The following FBXO16 variants were observed in gnomAD, a reference collection of about 807,000 sequenced individuals.
The protein encoded by FBXO16 is F-box only protein 16.
Under a neutral mutation model 41.0 loss-of-function variants are expected in FBXO16, and 31 were observed. That is an observed-to-expected ratio of 0.76 (90% CI 0.57 to 1.02). The LOEUF is 1.02. FBXO16 is among the 50% of genes least tolerant of loss of function. FBXO16 has a pLI of 0.00. For synonymous variants in FBXO16, 133 were observed against 117.8 expected (o/e 1.13, Z -0.84); for missense variants, 361 against 346.2 (o/e 1.04, Z -0.34).
At chr8:28,453,890 G>A (rs1256046593) in intron 5 of FBXO16, among the ~76,000 whole-genome samples, 2 of 152,000 alleles carry the variant, frequency 1.3e-5, no homozygotes, top group Non-Finnish European at 2.9e-5. Flanking sequence ...CAGGCCAGGC[G>A]TGGTGGCTCA....
At chr8:28,475,778 G>A (rs1166555393) in intron 2 of FBXO16, among the ~76,000 whole-genome samples, 1 of 152,078 alleles carries the variant, frequency 6.6e-6, no homozygotes, top group Non-Finnish European at 1.5e-5. Context: ...TCCATGGAAG[G>A]CCCTCAATAA....
At chr8:28,482,584 T>C in intron 2 of FBXO16, among the ~76,000 whole-genome samples, 1 of 152,166 alleles carries the variant, frequency 6.6e-6, no homozygotes, top group Non-Finnish European at 1.5e-5. Flanking sequence ...ATTGTTGTTG[T>C]TGTTGAGACA....
rs913610157 is a variant in FBXO16 at position 28,454,600 on chromosome 8, C to T, written c.508-2124G>A. On this transcript the variant is annotated intron_variant, in intron 5 of 8. Coordinates refer to ENST00000380254, the MANE Select transcript of FBXO16 (RefSeq NM_172366.4). ...AAAATTAGCCGGGCATGGTGGCAGG[C>T]GCCTGTAGTCCCAGCTACTCAGGAG... 1.3e-3 allele frequency among the ~76,000 whole-genome samples: 189 copies of T among 150,880 alleles called. 3 individuals carry two copies. The highest frequency in any genetic ancestry group is 4.4e-3 in the African/African-American group (180 of 40,690).
rs558574247 is a variant in FBXO16 at position 28,451,388 on chromosome 8, T to G, written c.740+856A>C. On this transcript the variant is annotated intron_variant, in intron 6 of 8. Transcript: ENST00000380254. Reference sequence around the variant, plus strand: ...TCTGTCTCTTTGTTGTTGTTTTTTTTTTTTTTGTTTTTTGTTTTTTGAGAT... The same window carrying G: ...TCTGTCTCTTTGTTGTTGTTTTTTTGTTTTTTGTTTTTTGTTTTTTGAGAT... Among the ~76,000 whole-genome samples, 432 of 151,500 alleles carry G rather than the reference T, an allele frequency of 2.9e-3. 2 individuals are homozygous for G. The highest frequency in any genetic ancestry group is 4.7e-3 in the African/African-American group (196 of 41,444).
At chr8:28,461,696 T>G (rs1364474522) in intron 4 of FBXO16, among the ~76,000 whole-genome samples, 1 of 152,164 alleles carries the variant, frequency 6.6e-6, no homozygotes, top group Non-Finnish European at 1.5e-5. Flanking sequence ...ATATTTTAAT[T>G]TTTATAGTCA....
chr8:28,449,995 AG>A (rs1802927522), intron 6 of FBXO16, among the ~76,000 whole-genome samples: 1 of 151,674 alleles, frequency 6.6e-6, no homozygotes, highest in East Asian at 1.9e-4. Flanking sequence ...AAAAAAAAAA[AG>A]AAGGGCGATT....
chr8:28,486,043 T>G (rs1031177305), intron 1 of FBXO16, among the ~76,000 whole-genome samples: 1 of 149,382 alleles, frequency 6.7e-6, no homozygotes, highest in Non-Finnish European at 1.5e-5. Flanking sequence ...GAGGTGGAGG[T>G]TGCAGTGAGC....
intron 2 of FBXO16, 108 bp from the exon 3 acceptor site, chr8:28,473,915 A>G (rs1585917063): frequency 1.2e-6 from 1 of 832,888 alleles, no homozygotes; most frequent in East Asian, 2.7e-5. Context: ...CATTGTATCA[A>G]CTGAATATTA....
At chr8:28,481,052 C>A (rs922317880) in intron 2 of FBXO16, among the ~76,000 whole-genome samples, 2 of 117,190 alleles carry the variant, frequency 1.7e-5, no homozygotes, top group African/African-American at 7.4e-5. Flanking sequence ...AGGGTTCACT[C>A]GGGGGCCCCG....
chr8:28,457,840 TA>T (rs1379126386), intron 4 of FBXO16, among the ~76,000 whole-genome samples: 34 of 152,216 alleles, frequency 2.2e-4, no homozygotes, highest in Non-Finnish European at 4.4e-5. Flanking sequence ...CTACAAAGCA[TA>T]AAGCACTTAT....
In FBXO16 at chr8:28,456,800, T is replaced by C. The variant is rs1296155607; in HGVS notation, c.473A>G (p.Gln158Arg). The change falls in exon 5 of 9, where the codon CAA (glutamine) becomes CGA (arginine). Residue 158 changes from glutamine (Q) to arginine (R), a missense_variant. Transcript: ENST00000380254. Reference protein sequence around the residue: ...EQGIWKKHYIQMVKELHITKP... With the variant: ...EQGIWKKHYIRMVKELHITKP... ...GGTAATATGAAGTTCTTTCACCATT[T>C]GAATATAGTGCTTCTTCCAGATCCC... is the stretch of plus-strand genomic sequence containing the variant. 6.2e-7 allele frequency: 1 copy of C among 1,614,046 alleles called. No homozygotes were observed. The highest frequency in any genetic ancestry group is 8.5e-7 in the Non-Finnish European group (1 of 1,180,018).
chr8:28,449,920 C>T (rs143499002), intron 6 of FBXO16, among the ~76,000 whole-genome samples: 4,972 of 145,040 alleles, frequency 0.034, 282 homozygotes, highest in African/African-American at 0.12. Flanking sequence ...TGCAGTGAGC[C>T]GAGATCATGC....
chr8:28,456,341 A>G (rs1423021361), intron 5 of FBXO16, among the ~76,000 whole-genome samples: 1 of 152,232 alleles, frequency 6.6e-6, no homozygotes, highest in Non-Finnish European at 1.5e-5. Flanking sequence ...ACTTTTCCTT[A>G]TAAACGATAC....
intron 2 of FBXO16, among the ~76,000 whole-genome samples, chr8:28,474,983 G>C (rs1438513747): frequency 6.6e-6 from 1 of 152,184 alleles, no homozygotes; most frequent in Non-Finnish European, 1.5e-5. Context: ...CAGAGAAGGG[G>C]GTTATTAAGA....
intron 5 of FBXO16, among the ~76,000 whole-genome samples, chr8:28,454,910 T>C (rs1803015212): frequency 6.7e-6 from 1 of 149,586 alleles, no homozygotes; most frequent in Non-Finnish European, 1.5e-5. Context: ...ATGTTGAATT[T>C]TGTTAAATGC....
At chr8:28,444,883 G>A (rs546465591) in intron 7 of FBXO16, among the ~76,000 whole-genome samples, 4 of 139,776 alleles carry the variant, frequency 2.9e-5, no homozygotes, top group African/African-American at 8.2e-5. Flanking sequence ...CACCCACCTC[G>A]GCCTCCCAAA....
intron 5 of FBXO16, among the ~76,000 whole-genome samples, chr8:28,452,997 C>T (rs895754145): frequency 9.2e-5 from 14 of 152,076 alleles, no homozygotes; most frequent in South Asian, 4.1e-4. Context: ...GTCATCATCA[C>T]GATCACCATT....
At chr8:28,472,784 T>C (rs1803359877) in intron 3 of FBXO16, among the ~76,000 whole-genome samples, 2 of 152,062 alleles carry the variant, frequency 1.3e-5, no homozygotes, top group African/African-American at 4.8e-5. Flanking sequence ...TCACCATATT[T>C]CTCCTTTGAC....
intron 6 of FBXO16, among the ~76,000 whole-genome samples, chr8:28,448,371 A>C (rs1802900643): frequency 1.3e-5 from 2 of 151,532 alleles, no homozygotes; most frequent in Admixed American, 6.6e-5. Flanking sequence ...GAAAGAAAGA[A>C]AGAAAAGAAA....
Sources: allele counts gnomAD v4.1 joint callset (sites outside exome capture counted in the v4.1 genomes callset), GRCh38; gene constraint gnomAD v4.1.1; transcripts MANE v1.5; gene names NCBI Gene and HGNC (gene_info 2026-07-23, HGNC 2026-07-21).